Variants in PLEKHA8 observed in about 807,000 individuals in gnomAD.
PLEKHA8 encodes the protein pleckstrin homology domain containing A8.
In PLEKHA8, 36 loss-of-function variants were observed where a neutral mutation model predicts 68.2. The ratio of observed to expected loss-of-function variants is 0.53; its 90% CI spans 0.40 to 0.70. The LOEUF (loss-of-function observed/expected upper bound fraction) is 0.70, where lower values mean the gene tolerates loss of function less well. PLEKHA8 is among the 30% of genes least tolerant of loss of function. The probability of loss-of-function intolerance (pLI) is 0.00; values close to 1 mark genes in which losing one functional copy is unlikely to be tolerated. For synonymous variants in PLEKHA8, 211 were observed against 216.1 expected (o/e 0.98, Z 0.20); for missense variants, 505 against 615.4 (o/e 0.82, Z 1.90).
chr7:30,062,656 C>A lies in PLEKHA8; in HGVS notation c.1230-16C>A, dbSNP rs1410605547. On this transcript the variant is annotated splice_polypyrimidine_tract_variant and intron_variant, in intron 11 of 13. Transcript: ENST00000449726. Reference sequence around the variant, plus strand: ...TGAACTTTGAAAATAATATTTCTTCCTTTATTTTGTTTTAGAGGTCTCAAA... The same window carrying A: ...TGAACTTTGAAAATAATATTTCTTCATTTATTTTGTTTTAGAGGTCTCAAA... 6.3e-7 allele frequency: 1 copy of A among 1,576,588 alleles called. No individual in the cohort carries two copies. Among genetic ancestry groups the A allele is most frequent in the South Asian group, 1.1e-5 (1 of 90,146 alleles).
intron 1 of PLEKHA8, among the ~76,000 whole-genome samples, chr7:30,031,449 C>T (rs1023785415): frequency 6.6e-6 from 1 of 152,148 alleles, no homozygotes; most frequent in Admixed American, 6.5e-5. Flanking sequence ...ACAGGGAATG[C>T]CAGTGTCAAG....
chr7:30,075,453 T>G (rs188401455), intron 13 of PLEKHA8, among the ~76,000 whole-genome samples: 12 of 152,270 alleles, frequency 7.9e-5, no homozygotes, highest in African/African-American at 2.9e-4. Context: ...CTCCCACTAT[T>G]TTACAAATTC....
chr7:30,060,286 C>T (rs1021586761), intron 9 of PLEKHA8, among the ~76,000 whole-genome samples: 1 of 151,956 alleles, frequency 6.6e-6, no homozygotes, highest in Non-Finnish European at 1.5e-5. Flanking sequence ...ACTGAAAATA[C>T]AAAAATTAGC....
At chr7:30,103,529 A>G (rs1795942706) in intron 13 of PLEKHA8, among the ~76,000 whole-genome samples, 1 of 152,258 alleles carries the variant, frequency 6.6e-6, no homozygotes, top group Non-Finnish European at 1.5e-5. Context: ...GTGAATTGCA[A>G]GACTTTCTCG....
intron 9 of PLEKHA8, among the ~76,000 whole-genome samples, chr7:30,059,254 T>C (rs1288194154): frequency 2.0e-5 from 3 of 152,244 alleles, no homozygotes; most frequent in Non-Finnish European, 4.4e-5. Flanking sequence ...TAGGAATAAG[T>C]TTTAGAATTT....
In PLEKHA8 at chr7:30,074,001, A is replaced by AAG. The variant is rs577653261; in HGVS notation, c.1301-70_1301-69insAG. The AAG allele has an allele frequency of 2.6e-3, 3,315 of 1,283,432 alleles. 6 individuals carry two copies. Among genetic ancestry groups the AAG allele is most frequent in the Non-Finnish European group, 2.8e-3 (2,586 of 917,802 alleles). The allele number at this position is 1,283,432 out of a possible 1,614,324, so 79.5% of individuals were successfully genotyped here. On this transcript the variant is annotated intron_variant, in intron 12 of 13. Transcript: ENST00000449726. ...ACCCTGTCTCTTTAAAAAAAAAAAA[A>AAG]GTACATTATACAAATAGCACATCAA...
chr7:30,091,670 G>C (rs1439370067), downstream of PLEKHA8, among the ~76,000 whole-genome samples: 1 of 152,050 alleles, frequency 6.6e-6, no homozygotes, highest in Non-Finnish European at 1.5e-5. Flanking sequence ...TGGAAAATTA[G>C]GGAAAAAAAG....
In PLEKHA8 at chr7:30,080,925, T is replaced by G. The variant is rs1794898846; in HGVS notation, c.*2138T>G. 1.0e-6 allele frequency: 1 copy of G among 985,412 alleles called. No individual in the cohort carries two copies. The allele number at this position is 985,412 out of a possible 1,614,324, so 61.0% of individuals were successfully genotyped here. On this transcript the variant is annotated 3_prime_UTR_variant, in exon 14 of 14. Transcript: ENST00000449726. ...TTTAGCGGGGATGATACCAGGTGGT[T>G]GTTAGAATTGTGCAGTGTGATCATT...
At chr7:30,036,390 TAGATA>T in intron 1 of PLEKHA8, among the ~76,000 whole-genome samples, 1 of 151,318 alleles carries the variant, frequency 6.6e-6, no homozygotes, top group East Asian at 2.0e-4. Context: ...CTGTCTCAGG[TAGATA>T]GGATAGGATA....
intron 13 of PLEKHA8, among the ~76,000 whole-genome samples, chr7:30,077,361 A>C (rs1794670150): frequency 1.3e-5 from 2 of 151,868 alleles, no homozygotes; most frequent in Non-Finnish European, 2.9e-5. Context: ...CAGTTCTGGG[A>C]GATTTTCTTT....
At chr7:30,031,329 T>C (rs1790644653) in intron 1 of PLEKHA8, among the ~76,000 whole-genome samples, 1 of 152,104 alleles carries the variant, frequency 6.6e-6, no homozygotes, top group South Asian at 2.1e-4. Flanking sequence ...GAAAGCTTCT[T>C]TGAGGAAAAA....
intron 1 of PLEKHA8, among the ~76,000 whole-genome samples, chr7:30,034,422 A>G (rs1218131285): frequency 6.6e-6 from 1 of 152,210 alleles, no homozygotes; most frequent in Non-Finnish European, 1.5e-5. Context: ...AAAAGTCTGC[A>G]TGTAACTTTC....
intron 12 of PLEKHA8, among the ~76,000 whole-genome samples, chr7:30,063,270 A>G (rs953990542): frequency 3.9e-5 from 6 of 152,216 alleles, no homozygotes; most frequent in African/African-American, 1.4e-4. Context: ...AGATCATCTT[A>G]TATCTCCAGC....
intron 13 of PLEKHA8, among the ~76,000 whole-genome samples, chr7:30,127,692 T>G (rs1796798289): frequency 6.6e-6 from 1 of 152,234 alleles, no homozygotes; most frequent in African/African-American, 2.4e-5. Flanking sequence ...TCATTATCTT[T>G]GAGCTCCTAT....
chr7:30,107,410 T>C (rs1431924386), intron 13 of PLEKHA8, among the ~76,000 whole-genome samples: 2 of 152,162 alleles, frequency 1.3e-5, no homozygotes, highest in African/African-American at 4.8e-5. Context: ...CATTTTCTAA[T>C]TTTTGTTGCT....
chr7:30,120,977 T>C (rs1215171170), intron 13 of PLEKHA8, among the ~76,000 whole-genome samples: 1 of 151,738 alleles, frequency 6.6e-6, no homozygotes, highest in Non-Finnish European at 1.5e-5. Context: ...ACTAGTAACA[T>C]ATTGACACCA....
At chr7:30,117,211 A>C (rs1796596585) in intron 13 of PLEKHA8, among the ~76,000 whole-genome samples, 1 of 152,168 alleles carries the variant, frequency 6.6e-6, no homozygotes, top group Admixed American at 6.5e-5. Flanking sequence ...ATTCAAACTC[A>C]TGCCATACAA....
intron 1 of PLEKHA8, among the ~76,000 whole-genome samples, chr7:30,031,162 A>C (rs1024275704): frequency 6.6e-6 from 1 of 152,262 alleles, no homozygotes; most frequent in African/African-American, 2.4e-5. Flanking sequence ...TGCTAGGCAC[A>C]GGGGAAGCAA....
chr7:30,098,822 C>T (rs1019360746), intron 13 of PLEKHA8, among the ~76,000 whole-genome samples: 10 of 152,234 alleles, frequency 6.6e-5, no homozygotes, highest in African/African-American at 1.7e-4. Context: ...ACGCATGGTG[C>T]GCTGCACCCA....
Sources: gnomAD v4.1 joint callset for allele counts (sites outside exome capture counted in the v4.1 genomes callset) on GRCh38, gnomAD v4.1.1 for gene constraint, MANE v1.5 for transcripts, NCBI Gene and HGNC (gene_info 2026-07-23, HGNC 2026-07-21) for gene names.